ZFAND3: variants seen among roughly 807,000 people sequenced by gnomAD.
ZFAND3 encodes the protein zinc finger AN1-type containing 3.
Under a neutral mutation model 29.6 loss-of-function variants are expected in ZFAND3, and 10 were observed. That is an observed-to-expected ratio of 0.34 (90% CI 0.21 to 0.57). The LOEUF is 0.57. ZFAND3 is among the 20% of genes least tolerant of loss of function. ZFAND3 has a pLI of 0.86. For missense variants in ZFAND3, 230 were observed against 304.5 expected (o/e 0.76, Z 1.82); for synonymous variants, 128 against 112.6 (o/e 1.14, Z -0.87).
intron 2 of ZFAND3, among the ~76,000 whole-genome samples, chr6:38,060,787 T>TA (rs1461831837): frequency 3.3e-5 from 5 of 152,038 alleles, no homozygotes; most frequent in East Asian, 3.9e-4. Context: ...ACATTTTTTT[T>TA]TATATACGAT....
chr6:37,865,256 A>G (rs1391069322), intron 1 of ZFAND3, among the ~76,000 whole-genome samples: 2 of 152,206 alleles, frequency 1.3e-5, no homozygotes, highest in African/African-American at 4.8e-5. Context: ...TCATCTCTAG[A>G]TTGCTTATAA....
At chr6:37,922,859 T>A (rs1761408630) in intron 1 of ZFAND3, among the ~76,000 whole-genome samples, 1 of 152,212 alleles carries the variant, frequency 6.6e-6, no homozygotes, top group Admixed American at 6.5e-5. Context: ...AGTCAGTGAA[T>A]GAGTAGTGAG....
chr6:37,900,816 G>A (rs538143864), intron 1 of ZFAND3, among the ~76,000 whole-genome samples: 2 of 152,038 alleles, frequency 1.3e-5, no homozygotes, highest in African/African-American at 2.4e-5. Context: ...AAAATATGTT[G>A]GCAGGCTAAT....
At chr6:38,082,339 A>T in intron 3 of ZFAND3, 53 bp from the exon 4 acceptor site, 2 of 1,502,678 alleles carry the variant, frequency 1.3e-6, no homozygotes, top group Non-Finnish European at 1.8e-6. Context: ...AAGCAACTAT[A>T]TGGGCATGTA....
At chr6:37,916,379 G>T (rs529506123) in intron 1 of ZFAND3, among the ~76,000 whole-genome samples, 2 of 152,224 alleles carry the variant, frequency 1.3e-5, no homozygotes, top group South Asian at 4.1e-4. Context: ...AGGTATGCCA[G>T]CCGGGCACGG....
intron 1 of ZFAND3, among the ~76,000 whole-genome samples, chr6:37,928,601 AC>A (rs1761532921): frequency 1.3e-5 from 2 of 151,824 alleles, no homozygotes; most frequent in South Asian, 4.2e-4. Context: ...GCTCACTGCA[AC>A]CTCCGCTTCC....
At chr6:38,134,963 G>A (rs761847230) in intron 5 of ZFAND3, among the ~76,000 whole-genome samples, 7 of 152,236 alleles carry the variant, frequency 4.6e-5, no homozygotes, top group Non-Finnish European at 1.0e-4. Flanking sequence ...TTAGAGGTCA[G>A]TATATCTGCC....
intron 5 of ZFAND3, among the ~76,000 whole-genome samples, chr6:38,123,950 C>G (rs375905030): frequency 1.3e-5 from 2 of 152,042 alleles, no homozygotes; most frequent in African/African-American, 2.4e-5. Context: ...GAAGGGGACG[C>G]GAGTAGGTTG....
chr6:37,937,653 CAAAAAAAA>C (rs71542151), intron 2 of ZFAND3, among the ~76,000 whole-genome samples: 2 of 85,494 alleles, frequency 2.3e-5, no homozygotes, highest in South Asian at 1.0e-3. Flanking sequence ...GACTCCGTCT[CAAAAAAAA>C]AAAAAAAAAA....
At chr6:38,132,845 A>G (rs1765768761) in intron 5 of ZFAND3, among the ~76,000 whole-genome samples, 1 of 152,144 alleles carries the variant, frequency 6.6e-6, no homozygotes, top group African/African-American at 2.4e-5. Context: ...TCCCTCTAGA[A>G]CACATACTCA....
rs1019907425 is a variant in ZFAND3 at position 37,940,241 on chromosome 6, T to G, written c.112+10242T>G. Among the ~76,000 whole-genome samples the G allele has an allele frequency of 2.6e-5, 4 of 152,202 alleles. No individual in the cohort carries two copies. The South Asian group carries it at 6.2e-4, about 24-fold the overall frequency. On this transcript the variant is annotated intron_variant, in intron 2 of 5. Transcript: ENST00000287218. ...TGTTTTGTGCTTCAGAGGCTTTGGC[T>G]CCACCAAGTTTCAGATACTTAGCGT...
chr6:37,961,061 G>A (rs972373008), intron 2 of ZFAND3, among the ~76,000 whole-genome samples: 3 of 152,166 alleles, frequency 2.0e-5, no homozygotes, highest in Non-Finnish European at 2.9e-5. Flanking sequence ...GTGATAGAGC[G>A]AGACCCTGTT....
intron 3 of ZFAND3, among the ~76,000 whole-genome samples, chr6:38,078,406 T>A (rs1764594417): frequency 6.6e-6 from 1 of 152,192 alleles, no homozygotes. Context: ...GAATGTAATA[T>A]CAAATGCAAA....
chr6:38,081,344 A>C (rs540726300), intron 3 of ZFAND3, among the ~76,000 whole-genome samples: 1 of 152,204 alleles, frequency 6.6e-6, no homozygotes, highest in East Asian at 1.9e-4. Context: ...TATAGTAAAG[A>C]GTAAGCTAAG....
chr6:38,103,962 G>T (rs16890357), intron 4 of ZFAND3, among the ~76,000 whole-genome samples: 3,137 of 152,254 alleles, frequency 0.021, 95 homozygotes, highest in African/African-American at 0.072. Flanking sequence ...ATCTATTGAG[G>T]TTCATTTGTC....
At chr6:37,983,464 C>T (rs2842523) in intron 2 of ZFAND3, among the ~76,000 whole-genome samples, 2 of 143,232 alleles carry the variant, frequency 1.4e-5, no homozygotes, top group Admixed American at 7.3e-5. Context: ...TCAAGCTATT[C>T]TCCTCCTGCC....
In ZFAND3 at chr6:38,068,926, G is replaced by C. The variant is rs530298076; in HGVS notation, c.295+7151G>C. ...ATTGTTTCCTTGGAAACTGGTTTCT[G>C]GTGATATCGTAGCTCCCTCAGGGAT... On this transcript the variant is annotated intron_variant, in intron 3 of 5. Transcript: ENST00000287218. 1.6e-4 allele frequency among the ~76,000 whole-genome samples: 25 copies of C among 152,278 alleles called. No homozygotes were observed. In the South Asian group the frequency reaches 5.0e-3, roughly 30 times the overall value.
chr6:38,128,952 G>A (rs1392045352), intron 5 of ZFAND3, among the ~76,000 whole-genome samples: 1 of 152,154 alleles, frequency 6.6e-6, no homozygotes, highest in Non-Finnish European at 1.5e-5. Flanking sequence ...CACCAGCAGT[G>A]TAAAAGTATT....
At chr6:37,890,978 C>T (rs1010843056) in intron 1 of ZFAND3, among the ~76,000 whole-genome samples, 1 of 152,218 alleles carries the variant, frequency 6.6e-6, no homozygotes, top group Admixed American at 6.5e-5. Flanking sequence ...TCAGAAACAA[C>T]TTTATCGAAA....
Sources: allele counts gnomAD v4.1 joint callset (sites outside exome capture counted in the v4.1 genomes callset), GRCh38; gene constraint gnomAD v4.1.1; transcripts MANE v1.5; gene names NCBI Gene and HGNC (gene_info 2026-07-23, HGNC 2026-07-21).